Variants in EHBP1 observed in about 807,000 individuals in gnomAD.
EHBP1 encodes EH domain binding protein 1.
EHBP1 carries 55 observed loss-of-function variants against 144.0 expected under a neutral mutation model. That is an observed-to-expected ratio of 0.38 (90% CI 0.31 to 0.48). The LOEUF (loss-of-function observed/expected upper bound fraction) is 0.48, where lower values mean the gene tolerates loss of function less well. Among genes scored for constraint, EHBP1 ranks in the 20% least tolerant of loss-of-function variants. The pLI is 0.98. For missense variants in EHBP1, 1,200 were observed against 1,364.2 expected (o/e 0.88, Z 1.90); for synonymous variants, 469 against 472.7 (o/e 0.99, Z 0.10).
intron 7 of EHBP1, among the ~76,000 whole-genome samples, chr2:62,839,600 C>T (rs1343156635): frequency 4.0e-5 from 6 of 149,990 alleles, no homozygotes; most frequent in Non-Finnish European, 8.9e-5. Context: ...ACCCCATCGT[C>T]TCAGCCCAAA....
intron 2 of EHBP1, among the ~76,000 whole-genome samples, chr2:62,729,441 T>TATA (rs1222377681): frequency 1.7e-5 from 2 of 115,344 alleles, no homozygotes; most frequent in African/African-American, 6.8e-5. Context: ...TAATAATAAA[T>TATA]ATAATAATAA....
At chr2:62,954,667 A>G (rs2057587264) in intron 13 of EHBP1, among the ~76,000 whole-genome samples, 1 of 152,194 alleles carries the variant, frequency 6.6e-6, no homozygotes, top group African/African-American at 2.4e-5. Flanking sequence ...TTCACATAAT[A>G]TGAAATAAAG....
chr2:62,818,756 TCTAA>T (rs1363929330), intron 5 of EHBP1, among the ~76,000 whole-genome samples: 8 of 152,094 alleles, frequency 5.3e-5, no homozygotes, highest in Admixed American at 1.3e-4. Context: ...ATTTGGAAAG[TCTAA>T]TGAAATAACC....
At chr2:62,732,437 A>G (rs969029478) in intron 2 of EHBP1, among the ~76,000 whole-genome samples, 4 of 152,104 alleles carry the variant, frequency 2.6e-5, no homozygotes, top group Non-Finnish European at 4.4e-5. Flanking sequence ...GTAATCCCCA[A>G]TTTGGAGGTG....
chr2:63,022,677 GTTT>G (rs916763920), intron 19 of EHBP1, among the ~76,000 whole-genome samples: 1 of 152,046 alleles, frequency 6.6e-6, no homozygotes. Flanking sequence ...TACTCATTAT[GTTT>G]TTAACACTTT....
At chr2:62,688,138 G>C (rs1572866675) in intron 1 of EHBP1, among the ~76,000 whole-genome samples, 2 of 152,270 alleles carry the variant, frequency 1.3e-5, no homozygotes, top group South Asian at 4.1e-4. Context: ...TGGTTTGAGA[G>C]AGAATTACTG....
At chr2:62,687,864 G>C (rs928733639) in intron 1 of EHBP1, among the ~76,000 whole-genome samples, 8 of 152,266 alleles carry the variant, frequency 5.3e-5, no homozygotes, top group African/African-American at 1.9e-4. Context: ...GATAGTAAGA[G>C]TGAGTCAGTC....
At chr2:62,819,688 C>T (rs1219982718) in intron 5 of EHBP1, among the ~76,000 whole-genome samples, 1 of 151,266 alleles carries the variant, frequency 6.6e-6, no homozygotes, top group Admixed American at 6.6e-5. Flanking sequence ...TGCTTGAACC[C>T]AGGAGGTGGA....
intron 3 of EHBP1, among the ~76,000 whole-genome samples, chr2:62,757,905 G>A (rs2040440877): frequency 6.6e-6 from 1 of 151,974 alleles, no homozygotes; most frequent in Non-Finnish European, 1.5e-5. Flanking sequence ...CCTGCTACTC[G>A]GGAGGTTGAG....
chr2:62,879,508 G>C (rs2152864420), intron 10 of EHBP1, among the ~76,000 whole-genome samples: 2 of 144,632 alleles, frequency 1.4e-5, no homozygotes, highest in South Asian at 4.5e-4. Context: ...TAACATTCAA[G>C]CTGAAAGCCA....
intron 2 of EHBP1, among the ~76,000 whole-genome samples, chr2:62,710,718 T>C (rs2151833859): frequency 6.6e-6 from 1 of 152,274 alleles, no homozygotes; most frequent in Admixed American, 6.5e-5. Context: ...GTTTGTGACA[T>C]TGACCTGTTA....
chr2:62,949,796 C>T (rs1363439699), intron 13 of EHBP1, among the ~76,000 whole-genome samples: 2 of 152,120 alleles, frequency 1.3e-5, no homozygotes, highest in East Asian at 3.9e-4. Flanking sequence ...TTTAACCTTT[C>T]TCTTACTGAT....
At chr2:62,868,084 T>G (rs923311945) in intron 9 of EHBP1, among the ~76,000 whole-genome samples, 5 of 152,010 alleles carry the variant, frequency 3.3e-5, no homozygotes, top group African/African-American at 1.2e-4. Context: ...GAATAAAAAC[T>G]GAAGATTCAG....
intron 6 of EHBP1, 79 bp downstream of exon 6, chr2:62,826,347 AG>A (rs2046345604): frequency 7.6e-7 from 1 of 1,319,890 alleles, no homozygotes. Context: ...GACTGGCAAT[AG>A]TTGAACATCT....
intron 19 of EHBP1, among the ~76,000 whole-genome samples, chr2:63,026,531 C>G (rs1487322836): frequency 1.3e-5 from 2 of 152,082 alleles, no homozygotes; most frequent in Non-Finnish European, 2.9e-5. Flanking sequence ...GAAACTGAGT[C>G]TTAGGGAGAA....
intron 5 of EHBP1, among the ~76,000 whole-genome samples, chr2:62,787,413 T>G (rs1240940233): frequency 1.5e-4 from 1 of 6,754 alleles, no homozygotes; most frequent in Non-Finnish European, 3.2e-4. Context: ...CCCCACCCCC[T>G]TGCTCCATTA....
chr2:62,802,974 G>A (rs144674426), intron 5 of EHBP1, among the ~76,000 whole-genome samples: 1 of 152,002 alleles, frequency 6.6e-6, no homozygotes, highest in Admixed American at 6.5e-5. Flanking sequence ...ATCCGCCCAC[G>A]TTGGCCTCCC....
At chr2:63,010,147 C>G (rs926197824) in intron 19 of EHBP1, among the ~76,000 whole-genome samples, 3 of 150,938 alleles carry the variant, frequency 2.0e-5, no homozygotes, top group Non-Finnish European at 3.0e-5. Flanking sequence ...TATTATGGTA[C>G]TTTGTTTTGT....
At chr2:62,862,853 T>G (rs1463271296) in intron 8 of EHBP1, among the ~76,000 whole-genome samples, 1 of 152,198 alleles carries the variant, frequency 6.6e-6, no homozygotes, top group Non-Finnish European at 1.5e-5. Context: ...AATATTTTTA[T>G]CAGCAAATCT....
Sources: gnomAD v4.1 joint callset for allele counts (sites outside exome capture counted in the v4.1 genomes callset) on GRCh38, gnomAD v4.1.1 for gene constraint, MANE v1.5 for transcripts, NCBI Gene and HGNC (gene_info 2026-07-23, HGNC 2026-07-21) for gene names.